The following HMCN2 variants were observed in gnomAD, a reference collection of about 807,000 sequenced individuals.
HMCN2 encodes the protein hemicentin-2.
HMCN2 carries 325 observed loss-of-function variants against 377.5 expected under a neutral mutation model. That is an observed-to-expected ratio of 0.86 (90% CI 0.79 to 0.94). The LOEUF (loss-of-function observed/expected upper bound fraction) is 0.94, where lower values mean the gene tolerates loss of function less well. Ranked by LOEUF, HMCN2 falls within the 40% of genes least tolerant of loss-of-function variation. The pLI, the probability that HMCN2 is intolerant of heterozygous loss-of-function variation, is 0.00. For synonymous variants in HMCN2, 2,007 were observed against 2,046.8 expected (o/e 0.98, Z 0.53); for missense variants, 4,543 against 4,725.3 (o/e 0.96, Z 1.13).
At chr9:130,371,977 G>C (rs1276518581) in intron 46 of HMCN2, among the ~76,000 whole-genome samples, 1 of 152,190 alleles carries the variant, frequency 6.6e-6, no homozygotes, top group Non-Finnish European at 1.5e-5. Context: ...GGTCTGCTGG[G>C]CCAGGACTAC....
chr9:130,431,604 GAGGTGGGGCGGGGAGGC>G, intron 96 of HMCN2, 118 bp downstream of exon 96: 1 of 1,412,222 alleles, frequency 7.1e-7, no homozygotes. Flanking sequence ...ACTATCCTGT[GAGGTGGGGCGGGGAGGC>G]AGGCTCAGAG....
chr9:130,358,429 T>G lies in HMCN2; in HGVS notation c.5620T>G (p.Cys1874Gly). ...CCTGAGGGACGAGGGCATCTACACT[T>G]GTGCTGCTACCAACCTGGCTGGGGA... ...VDLRDEGIYT[C>G]AATNLAGESK... Residue 1874 changes from cysteine to glycine, a missense_variant, in exon 36 of 98, where the codon TGT (cysteine) becomes GGT (glycine). Cys to Gly is a radical substitution (Grantham distance 159). Transcript: ENST00000683500. 3 of 1,304,336 alleles carry G rather than the reference T, an allele frequency of 2.3e-6. No homozygotes were observed. Among genetic ancestry groups the G allele is most frequent in the Non-Finnish European group, 3.0e-6 (3 of 988,952 alleles). The allele number at this position is 1,304,336 out of a possible 1,614,324, so 80.8% of individuals were successfully genotyped here. A position where few individuals can be genotyped will look rare whatever the true frequency, so the allele number is the denominator to read the frequency against.
intron 85 of HMCN2, among the ~76,000 whole-genome samples, chr9:130,411,331 G>C (rs1843396281): frequency 6.6e-6 from 1 of 152,152 alleles, no homozygotes; most frequent in Non-Finnish European, 1.5e-5. Context: ...GCTGGGCTCG[G>C]TGACTCACAG....
At chr9:130,432,300 T>G in intron 96 of HMCN2, 129 bp from the exon 97 acceptor site, 1 of 828,260 alleles carries the variant, frequency 1.2e-6, no homozygotes, top group Non-Finnish European at 2.0e-6. Context: ...TCAGACTGGC[T>G]GGGGACAAAG....
intron 31 of HMCN2, among the ~76,000 whole-genome samples, chr9:130,354,413 G>C (rs753536212): frequency 6.6e-6 from 1 of 152,318 alleles, no homozygotes; most frequent in South Asian, 2.1e-4. Context: ...GCTCTGTCCC[G>C]GCCCTGGGGG....
rs1396052864 is a variant in HMCN2, at chr9:130,393,964, G to T, written c.10457G>T (p.Ser3486Ile). The T allele has an allele frequency of 3.1e-6, 4 of 1,284,306 alleles. No homozygotes were observed. The East Asian group carries it at 2.2e-4, about 72-fold the overall frequency. The allele number at this position is 1,284,306 out of a possible 1,614,324, so 79.6% of individuals were successfully genotyped here. ...GGGACCTACTCCTGTGTGGCCGTGA[G>T]CGAGGCGGGGGAAGCCAGGAGGCAT... ...DSGTYSCVAV[S>I]EAGEARRHFQ... The change falls in exon 68 of 98, where the codon AGC becomes ATC. Residue 3486 changes from serine to isoleucine, a missense_variant. This residue lies in a region of HMCN2 where 1,073 missense variants were observed against 1,319.5 expected (regional missense o/e 0.81). Transcript: ENST00000683500. The surrounding 1 kb of genome is among the most constrained non-coding windows in gnomAD (Gnocchi z 5.2).
chr9:130,275,655 G>A (rs559202143), intron 1 of HMCN2, among the ~76,000 whole-genome samples: 8 of 152,212 alleles, frequency 5.3e-5, no homozygotes, highest in East Asian at 1.9e-4. Flanking sequence ...TCACTATGTT[G>A]GCCAGACTGG....
At chr9:130,383,937 G>A (rs1264899543) in intron 57 of HMCN2, among the ~76,000 whole-genome samples, 8 of 152,230 alleles carry the variant, frequency 5.3e-5, no homozygotes, top group African/African-American at 1.9e-4. Flanking sequence ...GCTGTGGGAG[G>A]AGACTCAGGG....
chr9:130,281,640 T>A (rs1554925766), intron 1 of HMCN2, among the ~76,000 whole-genome samples: 1 of 149,290 alleles, frequency 6.7e-6, no homozygotes, highest in Non-Finnish European at 1.5e-5. Context: ...CCTGCTGTAA[T>A]CGCAGCACTT....
intron 1 of HMCN2, among the ~76,000 whole-genome samples, chr9:130,280,538 A>G (rs1299390806): frequency 1.3e-5 from 2 of 152,080 alleles, no homozygotes; most frequent in Non-Finnish European, 2.9e-5. Context: ...ACTGAGACAG[A>G]GGCCAACCTT....
Position 130,396,083 on chromosome 9 carries a change from C to CACCCCACCCTGCCCACCTT in HMCN2, c.11053+36_11054-50dup. ...GATCCACAGTGAGTAGGGCCCGCCCCACCCCACCCTGCCCACCTTACCCCA... is the reference window on the plus strand; with the variant it reads ...GATCCACAGTGAGTAGGGCCCGCCCCACCCCACCCTGCCCACCTTACCCCACCCTGCCCACCTTACCCCA... On this transcript the variant is annotated intron_variant, in intron 72 of 97. Transcript: ENST00000683500. 5 of 1,244,590 alleles carry CACCCCACCCTGCCCACCTT rather than the reference C, an allele frequency of 4.0e-6. No homozygotes were observed. The highest frequency in any genetic ancestry group is 1.5e-5 in the African/African-American group (1 of 64,650). 77.1% of individuals were successfully genotyped at this position (1,244,590 alleles called of 1,614,324 possible).
At position 130,384,250 on chromosome 9, in the gene HMCN2, T is replaced by C. The variant is rs548837235; in HGVS notation, c.8831-123T>C. 2.3e-5 allele frequency: 17 copies of C among 744,414 alleles called. No homozygotes were observed. The South Asian group carries it at 2.9e-4, about 13-fold the overall frequency. 46.1% of individuals were successfully genotyped at this position (744,414 alleles called of 1,614,324 possible). A position where few individuals can be genotyped will look rare whatever the true frequency, so the allele number is the denominator to read the frequency against. On this transcript the variant is annotated intron_variant, in intron 57 of 97. Transcript: ENST00000683500. ...ATGGCAAATGGAGGTTTCTGAATTA[T>C]TTGAAGTTGTGCCGAGGTGAAGCCC...
Position 130,433,959 on chromosome 9 carries a change from G to A in HMCN2, c.*266G>A. ...GGGGAAGCCCGGATCAGACCTCCAG[G>A]TCTGATCCGCCCCTCAGTGGGAGCG... On this transcript the variant is annotated 3_prime_UTR_variant, in exon 98 of 98. Transcript: ENST00000683500. 1 of 397,120 alleles carries A rather than the reference G, an allele frequency of 2.5e-6. No homozygotes were observed. Among genetic ancestry groups the A allele is most frequent in the Non-Finnish European group, 4.4e-6 (1 of 224,988 alleles). 24.6% of individuals were successfully genotyped at this position (397,120 alleles called of 1,614,324 possible). A position where few individuals can be genotyped will look rare whatever the true frequency, so the allele number is the denominator to read the frequency against.
At chr9:130,342,684 G>A (rs1178979574) in intron 25 of HMCN2, among the ~76,000 whole-genome samples, 2 of 152,178 alleles carry the variant, frequency 1.3e-5, no homozygotes, top group African/African-American at 2.4e-5. Context: ...GCCAGGATGT[G>A]ACTCAGAATG....
At position 130,382,299 on chromosome 9, in the gene HMCN2, T is replaced by C. The variant is rs1380363945; in HGVS notation, c.8545+2T>C. The C allele has an allele frequency of 2.0e-6, 2 of 984,694 alleles. No individual in the cohort carries two copies. Among genetic ancestry groups the C allele is most frequent in the African/African-American group, 1.8e-5 (1 of 57,140 alleles). The allele number at this position is 984,694 out of a possible 1,614,324, so 61.0% of individuals were successfully genotyped here. ...TGCACTACGAGCTGCTGGTGCTGAG[T>C]GAGTGGCGGGGCCTGCAGGTGGGGA... On this transcript the variant is annotated splice_donor_variant, in intron 55 of 97. Coordinates refer to ENST00000683500, the MANE Select transcript of HMCN2 (RefSeq NM_001291815.2). LOFTEE classifies it high-confidence loss of function.
rs1165387454 is a variant in HMCN2, at chr9:130,425,842, C to G, written c.13797C>G (p.His4599Gln). 3.9e-6 allele frequency: 6 copies of G among 1,550,396 alleles called. No individual in the cohort carries two copies. Among genetic ancestry groups the G allele is most frequent in the Middle Eastern group, 3.3e-4 (2 of 6,012 alleles). ...GCCCCCAGCCCCAGCTGGTGCAGCA[C>G]CTGCGGGCCTCAGCTATCAGCTCGG... ...ARGPQPQLVQ[H>Q]LRASAISSAF... The change falls in exon 90 of 98, where the codon CAC (histidine) becomes CAG (glutamine). Residue 4599 changes from histidine (H) to glutamine (Q), a missense_variant. Around this residue, in one of 5 missense-constraint regions of HMCN2, gnomAD observed 1,155 missense variants for 1,157.7 expected, o/e 1.00. Transcript: ENST00000683500.
intron 4 of HMCN2, among the ~76,000 whole-genome samples, chr9:130,288,600 AT>A (rs2131290929): frequency 6.6e-6 from 1 of 152,352 alleles, no homozygotes; most frequent in African/African-American, 2.4e-5. Context: ...TGCGTGTGTC[AT>A]TAATCCTTTT....
intron 77 of HMCN2, 80 bp from the exon 78 acceptor site, chr9:130,402,709 G>C: frequency 1.2e-6 from 1 of 826,798 alleles, no homozygotes. Flanking sequence ...CAGAGACAGA[G>C]TGGGGTTGTG....
chr9:130,305,839 A>C (rs1309197785), intron 11 of HMCN2, among the ~76,000 whole-genome samples: 1 of 152,130 alleles, frequency 6.6e-6, no homozygotes, highest in Non-Finnish European at 1.5e-5. Flanking sequence ...CATCTCCCTA[A>C]GGCTCCCTAG....
Sources: gnomAD v4.1 joint callset for allele counts (sites outside exome capture counted in the v4.1 genomes callset) on GRCh38, gnomAD v4.1.1 for gene constraint, gnomAD v4.1.1 regional missense constraint, Gnocchi (gnomAD v3.1) non-coding constraint, MANE v1.5 for transcripts, NCBI Gene and HGNC (gene_info 2026-07-23, HGNC 2026-07-21) for gene names.